The following WWP2 variants were observed in gnomAD, a reference collection of about 807,000 sequenced individuals.
WWP2 encodes WW domain containing E3 ubiquitin protein ligase 2, also known as NEDD4-like E3 ubiquitin-protein ligase WWP2.
In WWP2, 57 loss-of-function variants were observed where a neutral mutation model predicts 121.0. The observed-to-expected ratio is 0.47, with a 90% CI of 0.38 to 0.59. The LOEUF (loss-of-function observed/expected upper bound fraction) is 0.59, where lower values mean the gene tolerates loss of function less well. Ranked by LOEUF, WWP2 falls within the 20% of genes least tolerant of loss-of-function variation. The pLI, the probability that WWP2 is intolerant of heterozygous loss-of-function variation, is 0.00. For synonymous variants in WWP2, 449 were observed against 441.3 expected, an observed-to-expected ratio of 1.02 and a Z score of -0.22; for missense variants, 962 against 1,158.9, an observed-to-expected ratio of 0.83 and a Z score of 2.47.
intron 21 of WWP2, among the ~76,000 whole-genome samples, chr16:69,938,001 C>T (rs1156273390): frequency 6.6e-6 from 1 of 152,022 alleles, no homozygotes; most frequent in Non-Finnish European, 1.5e-5. Flanking sequence ...AGCTGTCATC[C>T]TATGTATAAT....
intron 7 of WWP2, among the ~76,000 whole-genome samples, chr16:69,881,293 A>G (rs1271704896): frequency 1.3e-5 from 2 of 152,192 alleles, no homozygotes; most frequent in Non-Finnish European, 2.9e-5. Flanking sequence ...TGGTTCTGCT[A>G]CTTGCTGACT....
At chr16:69,901,291 C>A (rs2058199716) in intron 8 of WWP2, among the ~76,000 whole-genome samples, 1 of 152,184 alleles carries the variant, frequency 6.6e-6, no homozygotes, top group African/African-American at 2.4e-5. Context: ...GGGCATTGAA[C>A]TTCTGAAGAG....
intron 6 of WWP2, among the ~76,000 whole-genome samples, chr16:69,848,784 G>A (rs1192168010): frequency 6.6e-6 from 1 of 152,160 alleles, no homozygotes; most frequent in Non-Finnish European, 1.5e-5. Context: ...GTGTTTGTGT[G>A]TGCATGTAGG....
At chr16:69,828,927 TGGTGTTTCCCTGTGGTGTTCCCTGACA>T (rs2056749520) in intron 4 of WWP2, among the ~76,000 whole-genome samples, 1 of 152,166 alleles carries the variant, frequency 6.6e-6, no homozygotes, top group East Asian at 1.9e-4. Flanking sequence ...ACGACTCTCT[TGGTGTTTCCCTGTGGTGTTCCCTGACA>T]GGTGTTTCCC....
Position 69,825,790 on chromosome 16 carries a change from TAA to T in WWP2, c.341-14335_341-14334del, listed in dbSNP as rs909745174. ...ACAGGTGCATGCCACTACACCTGTCTAAGTTTTTACATTTTTTGTAGACACAG... is the reference window on the plus strand; with the variant it reads ...ACAGGTGCATGCCACTACACCTGTCTGTTTTTACATTTTTTGTAGACACAG... On this transcript the variant is annotated intron_variant, in intron 4 of 23. Coordinates refer to ENST00000359154, the MANE Select transcript of WWP2 (RefSeq NM_001270454.2). Among the ~76,000 whole-genome samples the T allele has an allele frequency of 4.1e-4, 62 of 152,030 alleles. 1 individual carries two copies. The highest frequency in any genetic ancestry group is 1.5e-3 in the African/African-American group (62 of 41,496).
chr16:69,769,233 C>G (rs1461369071), intron 1 of WWP2, among the ~76,000 whole-genome samples: 1 of 148,326 alleles, frequency 6.7e-6, no homozygotes, highest in African/African-American at 2.5e-5. Context: ...AAGAGAATTG[C>G]TTGAACCCGG....
chr16:69,869,183 CG>C (rs1002971723), intron 6 of WWP2, among the ~76,000 whole-genome samples: 2 of 152,064 alleles, frequency 1.3e-5, no homozygotes, highest in African/African-American at 4.8e-5. Flanking sequence ...CCACTGTGTG[CG>C]GCCAACAGCT....
chr16:69,906,556 G>A (rs1428136881), intron 8 of WWP2, among the ~76,000 whole-genome samples: 1 of 152,202 alleles, frequency 6.6e-6, no homozygotes, highest in Non-Finnish European at 1.5e-5. Flanking sequence ...TATAACATAT[G>A]TGCTCCTAAA....
At chr16:69,837,458 A>C (rs1007664733) in intron 4 of WWP2, among the ~76,000 whole-genome samples, 6 of 152,210 alleles carry the variant, frequency 3.9e-5, no homozygotes, top group African/African-American at 1.4e-4. Flanking sequence ...GGAGACAATG[A>C]GTAGATAAAC....
chr16:69,764,401 C>T (rs574351667), intron 1 of WWP2, among the ~76,000 whole-genome samples: 11 of 152,136 alleles, frequency 7.2e-5, no homozygotes, highest in East Asian at 1.9e-4. Flanking sequence ...CTATGTTGCC[C>T]GGGCTGTTTT....
intron 4 of WWP2, among the ~76,000 whole-genome samples, chr16:69,823,602 G>C (rs1184386082): frequency 1.3e-5 from 2 of 151,674 alleles, no homozygotes; most frequent in Non-Finnish European, 2.9e-5. Flanking sequence ...CAAGTAGCTG[G>C]GATTACAGGT....
At chr16:69,852,283 CT>C (rs202191991) in intron 6 of WWP2, among the ~76,000 whole-genome samples, 44 of 146,228 alleles carry the variant, frequency 3.0e-4, no homozygotes, top group Non-Finnish European at 2.4e-4. Context: ...TGGAGAGTCT[CT>C]TTTTTTTTTT....
chr16:69,854,988 T>TG (rs2057284579), intron 6 of WWP2, among the ~76,000 whole-genome samples: 1 of 152,180 alleles, frequency 6.6e-6, no homozygotes, highest in Non-Finnish European at 1.5e-5. Context: ...CCCAAATAGC[T>TG]GGGACTACAG....
chr16:69,871,239 G>C (rs771828939), intron 6 of WWP2, among the ~76,000 whole-genome samples: 1 of 152,152 alleles, frequency 6.6e-6, no homozygotes, highest in Non-Finnish European at 1.5e-5. Flanking sequence ...AGCTATGATC[G>C]TGCCACTCCA....
Position 69,917,825 on chromosome 16 carries a change from C to T in WWP2, c.1121C>T (p.Ser374Leu), listed in dbSNP as rs753426948. 17 of 1,613,906 alleles carry T rather than the reference C, an allele frequency of 1.1e-5. No homozygotes were observed. The highest frequency in any genetic ancestry group is 1.7e-5 in the Admixed American group (1 of 60,012). ...GTGCGCAACTATGAGCAGTGGCAGT[C>T]GCAGCGGAATCAGCTCCAGGGGGCC... is the stretch of plus-strand genomic sequence containing the variant. The part of the protein sequence containing the change: ...EYVRNYEQWQ[S>L]QRNQLQGAMQ... The change falls in exon 10 of 24, where the codon TCG (serine) becomes TTG (leucine). Residue 374 changes from serine (S) to leucine (L), a missense_variant. Physicochemically the swap from Ser to Leu is moderately radical, Grantham distance 145 (BLOSUM62 -2). Transcript: ENST00000359154.
intron 9 of WWP2, 23 bp downstream of exon 9, chr16:69,908,873 C>T (rs755644281): frequency 6.2e-7 from 1 of 1,614,086 alleles, no homozygotes; most frequent in East Asian, 2.2e-5. Context: ...CTGAGAAGAC[C>T]TGAGACTCTG....
chr16:69,853,677 T>G (rs775772100), intron 6 of WWP2, among the ~76,000 whole-genome samples: 1 of 152,074 alleles, frequency 6.6e-6, no homozygotes, highest in Non-Finnish European at 1.5e-5. Flanking sequence ...GAGGTTACAA[T>G]TGATGACTAG....
chr16:69,903,880 GTT>G (rs1345625015), intron 8 of WWP2, among the ~76,000 whole-genome samples: 2 of 152,122 alleles, frequency 1.3e-5, no homozygotes, highest in Non-Finnish European at 1.5e-5. Context: ...AAATATTAGA[GTT>G]TTCCAAATAG....
At chr16:69,828,197 A>G (rs1038866903) in intron 4 of WWP2, among the ~76,000 whole-genome samples, 1 of 152,080 alleles carries the variant, frequency 6.6e-6, no homozygotes, top group African/African-American at 2.4e-5. Context: ...AAATGAGGAC[A>G]TGAGTGCCCA....
Sources: allele counts gnomAD v4.1 joint callset (sites outside exome capture counted in the v4.1 genomes callset), GRCh38; gene constraint gnomAD v4.1.1; transcripts MANE v1.5; gene names NCBI Gene and HGNC (gene_info 2026-07-23, HGNC 2026-07-21).